ARL8B: variants seen among roughly 807,000 people sequenced by gnomAD.
ARL8B encodes the protein ARF like GTPase 8B.
In ARL8B, 9 loss-of-function variants were observed where a neutral mutation model predicts 30.6. That is an observed-to-expected ratio of 0.29 (90% confidence interval 0.18 to 0.51). The LOEUF (loss-of-function observed/expected upper bound fraction) is 0.51. ARL8B is among the 20% of genes least tolerant of loss of function. The probability of loss-of-function intolerance (pLI) is 0.97; values close to 1 mark genes in which losing one functional copy is unlikely to be tolerated. For missense variants in ARL8B, 130 were observed against 227.2 expected, an observed-to-expected ratio of 0.57 and a Z score of 2.75; for synonymous variants, 74 against 76.0, an observed-to-expected ratio of 0.97 and a Z score of 0.14.
chr3:5,127,872 CAA>C (rs748657502), intron 1 of ARL8B, among the ~76,000 whole-genome samples: 19 of 10,590 alleles, frequency 1.8e-3, no homozygotes, highest in African/African-American at 5.5e-3. Context: ...GACTCCGTCT[CAA>C]AAAAAAAAAA....
chr3:5,129,018 C>G lies in ARL8B; in HGVS notation c.123+6430C>G, dbSNP rs575429972. Among the ~76,000 whole-genome samples the G allele has an allele frequency of 1.1e-3, 158 of 148,506 alleles. 2 individuals are homozygous for G. In the East Asian group the frequency reaches 0.031, roughly 29 times the overall value. On this transcript the variant is annotated intron_variant, in intron 1 of 6. Transcript: ENST00000256496. ...CTTATTGGACATTTGAGGGATTTTT[C>G]CTATGTTTTCCTATTGTACTCAATT...
At chr3:5,156,687 A>AT (rs1438913851) in intron 1 of ARL8B, among the ~76,000 whole-genome samples, 1 of 152,174 alleles carries the variant, frequency 6.6e-6, no homozygotes, top group Non-Finnish European at 1.5e-5. Context: ...AAGTGCTGGT[A>AT]TTATAGGCCT....
chr3:5,143,220 A>T (rs562820573), intron 1 of ARL8B, among the ~76,000 whole-genome samples: 1 of 152,304 alleles, frequency 6.6e-6, no homozygotes, highest in South Asian at 2.1e-4. Flanking sequence ...GTTGCCTGCA[A>T]GTTTCCATTT....
intron 1 of ARL8B, among the ~76,000 whole-genome samples, chr3:5,142,958 C>T (rs891387844): frequency 6.6e-6 from 1 of 152,194 alleles, no homozygotes; most frequent in Non-Finnish European, 1.5e-5. Context: ...GTCTTCAGCT[C>T]GGAGTTACCC....
At chr3:5,138,094 G>A (rs2054343191) in intron 1 of ARL8B, among the ~76,000 whole-genome samples, 1 of 150,612 alleles carries the variant, frequency 6.6e-6, no homozygotes, top group South Asian at 2.1e-4. Context: ...GCAACTTGGT[G>A]AAAAATTTAC....
chr3:5,152,223 A>T (rs933106190), intron 1 of ARL8B, among the ~76,000 whole-genome samples: 1 of 152,086 alleles, frequency 6.6e-6, no homozygotes, highest in Non-Finnish European at 1.5e-5. Context: ...GTTTATTTCA[A>T]TTCTATCAAT....
chr3:5,148,337 C>T (rs1344105415), intron 1 of ARL8B, among the ~76,000 whole-genome samples: 1 of 152,120 alleles, frequency 6.6e-6, no homozygotes, highest in Non-Finnish European at 1.5e-5. Context: ...TTGCTAGATG[C>T]CTGCTGTGTG....
chr3:5,126,592 G>C (rs565125907), intron 1 of ARL8B, among the ~76,000 whole-genome samples: 3 of 152,296 alleles, frequency 2.0e-5, no homozygotes, highest in Non-Finnish European at 2.9e-5. Context: ...GAGTCTAAAA[G>C]ATAATGCAGC....
At chr3:5,141,707 G>A (rs575997681) in intron 1 of ARL8B, among the ~76,000 whole-genome samples, 1 of 152,252 alleles carries the variant, frequency 6.6e-6, no homozygotes, top group South Asian at 2.1e-4. Flanking sequence ...GTATTGTTGG[G>A]AATGAAAGTA....
At chr3:5,161,506 A>G (rs1447817891) in intron 1 of ARL8B, among the ~76,000 whole-genome samples, 2 of 152,196 alleles carry the variant, frequency 1.3e-5, no homozygotes, top group Non-Finnish European at 2.9e-5. Context: ...TGCCTCATCT[A>G]AAGGCTAGCT....
chr3:5,162,460 AATG>A (rs2054591635), intron 1 of ARL8B, among the ~76,000 whole-genome samples: 3 of 152,330 alleles, frequency 2.0e-5, no homozygotes, highest in Admixed American at 1.3e-4. Context: ...TCAGTTTTGA[AATG>A]ATAATCTTGG....
chr3:5,154,691 C>T (rs2054516716), intron 1 of ARL8B, among the ~76,000 whole-genome samples: 2 of 152,044 alleles, frequency 1.3e-5, no homozygotes, highest in African/African-American at 4.8e-5. Flanking sequence ...CTCATTCACC[C>T]CAGCACCACC....
intron 1 of ARL8B, among the ~76,000 whole-genome samples, chr3:5,162,987 C>CTTTTTTTTTTT (rs58230539): frequency 1.0e-4 from 13 of 125,830 alleles, no homozygotes; most frequent in African/African-American, 3.5e-4. Flanking sequence ...TTAGCTCCCA[C>CTTTTTTTTTTT]TTTTTTTTTT....
intron 1 of ARL8B, among the ~76,000 whole-genome samples, chr3:5,161,025 C>T (rs536527074): frequency 6.6e-6 from 1 of 152,312 alleles, no homozygotes; most frequent in East Asian, 1.9e-4. Flanking sequence ...CTCAAGCCAT[C>T]TTCCCACCTC....
intron 1 of ARL8B, among the ~76,000 whole-genome samples, chr3:5,131,396 T>A (rs57065135): frequency 0.2 from 19,562 of 99,190 alleles, 1,356 homozygotes; most frequent in African/African-American, 0.32. Flanking sequence ...ATTAAAAAAT[T>A]TTTTTTTTTT....
chr3:5,165,000 AG>A (rs2054612582), intron 1 of ARL8B, among the ~76,000 whole-genome samples: 1 of 152,192 alleles, frequency 6.6e-6, no homozygotes, highest in African/African-American at 2.4e-5. Context: ...AATACTACAT[AG>A]GGGATATTGT....
chr3:5,122,347 G>A lies in ARL8B; in HGVS notation c.-119G>A. 6.5e-7 allele frequency: 1 copy of A among 1,548,278 alleles called. No individual in the cohort carries two copies. The highest frequency in any genetic ancestry group is 1.2e-5 in the South Asian group (1 of 84,954). ...TGCTGCCGCCCGCCGGTGTCCGCCC[G>A]TGTCGCGCCGGGGCACCAAGGAGCC... On this transcript the variant is annotated 5_prime_UTR_variant, in exon 1 of 7. In the 5' UTR this introduces an upstream ATG that the reference lacks. Coordinates refer to ENST00000256496, the MANE Select transcript of ARL8B (RefSeq NM_018184.3).
Position 5,178,745 on chromosome 3 carries a change from G to A in ARL8B, c.*32G>A. The A allele has an allele frequency of 1.2e-6, 2 of 1,610,614 alleles. No individual in the cohort carries two copies. Among genetic ancestry groups the A allele is most frequent in the South Asian group, 2.2e-5 (2 of 90,912 alleles). Reference sequence around the variant, plus strand: ...TCCTGAAGTCTTCCAGTCCTTCTTGGCTATAATCCTAGAATTATTGTCCGT... The same window carrying A: ...TCCTGAAGTCTTCCAGTCCTTCTTGACTATAATCCTAGAATTATTGTCCGT... On this transcript the variant is annotated 3_prime_UTR_variant, in exon 7 of 7. Transcript: ENST00000256496.
chr3:5,128,540 G>T, intron 1 of ARL8B: 1 of 411,848 alleles, frequency 2.4e-6, no homozygotes, highest in South Asian at 1.8e-5. Flanking sequence ...TGTCTTAGAA[G>T]ATATTTCACA....
Sources: gnomAD v4.1 joint callset for allele counts (sites outside exome capture counted in the v4.1 genomes callset) on GRCh38, gnomAD v4.1.1 for gene constraint, MANE v1.5 for transcripts, NCBI Gene and HGNC (gene_info 2026-07-23, HGNC 2026-07-21) for gene names.